The following TCF4 variants were observed in gnomAD, a reference collection of about 807,000 sequenced individuals.
TCF4 encodes transcription factor 4.
Under a neutral mutation model 82.1 loss-of-function variants are expected in TCF4, and 3 were observed. The observed-to-expected ratio is 0.04, with a 90% CI of 0.02 to 0.09. The LOEUF (loss-of-function observed/expected upper bound fraction) is 0.09. TCF4 is among the 10% of genes least tolerant of loss of function. The probability of loss-of-function intolerance (pLI) is 1.00; values close to 1 mark genes in which losing one functional copy is unlikely to be tolerated. For missense variants in TCF4, 518 were observed against 852.7 expected, an observed-to-expected ratio of 0.61 and a Z score of 4.89; for synonymous variants, 276 against 309.6, an observed-to-expected ratio of 0.89 and a Z score of 1.14.
intron 3 of TCF4, among the ~76,000 whole-genome samples, chr18:55,483,660 T>C (rs145010989): frequency 1.0e-3 from 153 of 152,346 alleles, no homozygotes; most frequent in African/African-American, 3.6e-3. Flanking sequence ...ATTTGATACA[T>C]ATTATATAAT....
chr18:55,387,629 G>C (rs1262834219), intron 6 of TCF4, among the ~76,000 whole-genome samples: 2 of 152,162 alleles, frequency 1.3e-5, no homozygotes, highest in East Asian at 3.9e-4. Context: ...GTGTTGGCTG[G>C]TATTTACAAT....
chr18:55,531,767 C>T (rs2097066029), intron 3 of TCF4, among the ~76,000 whole-genome samples: 1 of 152,170 alleles, frequency 6.6e-6, no homozygotes, highest in Admixed American at 6.5e-5. Flanking sequence ...GTTCCACTTT[C>T]CAAGACTTAT....
chr18:55,612,730 C>G (rs547676364), intron 2 of TCF4, among the ~76,000 whole-genome samples: 1 of 152,110 alleles, frequency 6.6e-6, no homozygotes, highest in South Asian at 2.1e-4. Context: ...GGCGGATCAC[C>G]TGAGGTGAGG....
intron 15 of TCF4, among the ~76,000 whole-genome samples, chr18:55,242,766 C>T (rs1032751861): frequency 3.3e-5 from 5 of 152,064 alleles, no homozygotes; most frequent in South Asian, 2.1e-4. Context: ...TGCACCTTTA[C>T]GCCCAGCTAA....
chr18:55,276,431 T>C (rs2061511585), intron 9 of TCF4, among the ~76,000 whole-genome samples: 2 of 152,084 alleles, frequency 1.3e-5, no homozygotes, highest in African/African-American at 4.8e-5. Flanking sequence ...TTTTTGAGAG[T>C]CTCTGGATTT....
intron 3 of TCF4, chr18:55,551,253 A>G (rs1252705937): frequency 6.6e-6 from 1 of 152,210 alleles, no homozygotes; most frequent in Admixed American, 6.5e-5. Context: ...CCCTCTTTAC[A>G]TATTATTCTT....
At chr18:55,514,283 C>G (rs146127728) in intron 3 of TCF4, among the ~76,000 whole-genome samples, 2 of 152,052 alleles carry the variant, frequency 1.3e-5, no homozygotes, top group Admixed American at 1.3e-4. Flanking sequence ...ATTGTGGCAT[C>G]GAGCAACATG....
At chr18:55,520,870 G>A (rs1396202165) in intron 3 of TCF4, among the ~76,000 whole-genome samples, 1 of 152,144 alleles carries the variant, frequency 6.6e-6, no homozygotes, top group African/African-American at 2.4e-5. Context: ...ATTTCACTGT[G>A]AAATCAGTGT....
chr18:55,311,124 C>T (rs1380530086), intron 8 of TCF4, among the ~76,000 whole-genome samples: 6 of 135,416 alleles, frequency 4.4e-5, no homozygotes. Context: ...AACAAACAAA[C>T]AAAAAACAAT....
intron 8 of TCF4, among the ~76,000 whole-genome samples, chr18:55,323,269 C>G (rs945623518): frequency 6.6e-6 from 1 of 151,974 alleles, no homozygotes; most frequent in Non-Finnish European, 1.5e-5. Flanking sequence ...TTGCATATGC[C>G]GAAGCAAATG....
chr18:55,352,680 C>T (rs1227364676), intron 6 of TCF4, among the ~76,000 whole-genome samples: 1 of 152,120 alleles, frequency 6.6e-6, no homozygotes, highest in Non-Finnish European at 1.5e-5. Flanking sequence ...TAAAACACTA[C>T]ACAATGACAA....
intron 8 of TCF4, among the ~76,000 whole-genome samples, chr18:55,345,847 T>A (rs1435084511): frequency 3.3e-5 from 5 of 152,194 alleles, no homozygotes; most frequent in African/African-American, 7.2e-5. Flanking sequence ...TTTGTTGACA[T>A]GAAAAAGCAT....
chr18:55,368,128 G>A (rs1384966071), intron 6 of TCF4, among the ~76,000 whole-genome samples: 1 of 152,220 alleles, frequency 6.6e-6, no homozygotes, highest in Non-Finnish European at 1.5e-5. Context: ...GCTCATGCCT[G>A]TAATCCCAGC....
intron 3 of TCF4, among the ~76,000 whole-genome samples, chr18:55,471,457 T>C (rs1277244059): frequency 6.6e-6 from 1 of 152,154 alleles, no homozygotes; most frequent in African/African-American, 2.4e-5. Flanking sequence ...TCCCAGCACT[T>C]TGGGAAGCCG....
chr18:55,404,324 G>C (rs966552236), intron 5 of TCF4: 1 of 154,578 alleles, frequency 6.5e-6, no homozygotes, highest in East Asian at 1.9e-4. Context: ...CATTAGGGAG[G>C]ATAATGAAAT....
chr18:55,469,689 T>C (rs2096129513), intron 3 of TCF4: 1 of 152,134 alleles, frequency 6.6e-6, no homozygotes, highest in African/African-American at 2.4e-5. Context: ...AGACAAACTT[T>C]AGAAAACACA....
At chr18:55,324,483 TAAG>T (rs1458443179) in intron 8 of TCF4, among the ~76,000 whole-genome samples, 1 of 152,172 alleles carries the variant, frequency 6.6e-6, no homozygotes, top group Non-Finnish European at 1.5e-5. Context: ...AACAGAAGTA[TAAG>T]AACAACTGAA....
At chr18:55,396,242 T>C (rs1044701586) in intron 6 of TCF4, among the ~76,000 whole-genome samples, 4 of 152,212 alleles carry the variant, frequency 2.6e-5, no homozygotes, top group African/African-American at 9.6e-5. Context: ...CTCTGAAACT[T>C]ACTTGAAGCA....
At chr18:55,392,818 T>G (rs191933649) in intron 6 of TCF4, among the ~76,000 whole-genome samples, 1 of 152,366 alleles carries the variant, frequency 6.6e-6, no homozygotes, top group East Asian at 1.9e-4. Context: ...TATACACATA[T>G]ATGTTTCCCA....
Sources: allele counts gnomAD v4.1 joint callset (sites outside exome capture counted in the v4.1 genomes callset), GRCh38; gene constraint gnomAD v4.1.1; transcripts MANE v1.5; gene names NCBI Gene and HGNC (gene_info 2026-07-23, HGNC 2026-07-21).